Variants in C8orf34 observed in about 807,000 individuals in gnomAD.
The protein encoded by C8orf34 is uncharacterized protein C8orf34.
A neutral mutation model predicts 68.3 loss-of-function variants in C8orf34; 65 were observed. The observed-to-expected ratio is 0.95, with a 90% CI of 0.78 to 1.17. The LOEUF is 1.17. Among genes scored for constraint, C8orf34 ranks in the 50% most tolerant of loss-of-function variants. The pLI, the probability that C8orf34 is intolerant of heterozygous loss-of-function variation, is 0.00. For missense variants in C8orf34, 664 were observed against 655.4 expected, an observed-to-expected ratio of 1.01 and a Z score of -0.14; for synonymous variants, 244 against 241.2, an observed-to-expected ratio of 1.01 and a Z score of -0.11.
At chr8:68,534,065 T>C (rs893931229) in intron 7 of C8orf34, 10 of 981,178 alleles carry the variant, frequency 1.0e-5, no homozygotes, top group Non-Finnish European at 1.2e-5. Context: ...TTGTTAAAAA[T>C]GAGATTCCTT....
intron 1 of C8orf34, among the ~76,000 whole-genome samples, chr8:68,355,021 A>G (rs1210586270): frequency 1.3e-5 from 2 of 152,170 alleles, no homozygotes; most frequent in Non-Finnish European, 2.9e-5. Context: ...GTTAGCAAAT[A>G]GCATCTTAAT....
intron 10 of C8orf34, 58 bp downstream of exon 10, chr8:68,721,495 T>C: frequency 1.8e-6 from 2 of 1,082,330 alleles, no homozygotes; most frequent in Non-Finnish European, 2.8e-6. Context: ...AAATTACTAG[T>C]AGGTAAATCT....
intron 1 of C8orf34, among the ~76,000 whole-genome samples, chr8:68,419,268 C>T (rs1426353956): frequency 6.8e-6 from 1 of 147,974 alleles, no homozygotes; most frequent in Non-Finnish European, 1.5e-5. Flanking sequence ...CAAATCAAAA[C>T]CACAATGAGA....
At chr8:68,582,261 C>A (rs1293913687) in intron 7 of C8orf34, among the ~76,000 whole-genome samples, 12 of 152,136 alleles carry the variant, frequency 7.9e-5, no homozygotes, top group Admixed American at 5.2e-4. Flanking sequence ...ATGCAACAGA[C>A]TGAAGTGGGG....
At chr8:68,352,574 G>C (rs1000339976) in intron 1 of C8orf34, among the ~76,000 whole-genome samples, 1 of 152,062 alleles carries the variant, frequency 6.6e-6, no homozygotes. Flanking sequence ...AAGTGATCCA[G>C]CTTTCATGAA....
intron 7 of C8orf34, among the ~76,000 whole-genome samples, chr8:68,549,106 A>C (rs766161278): frequency 2.0e-5 from 3 of 151,812 alleles, no homozygotes; most frequent in Non-Finnish European, 4.4e-5. Context: ...ACACAGATAA[A>C]AGGATGTGAG....
chr8:68,330,898 CCT>C (rs1015975390), upstream of C8orf34: 35 of 901,430 alleles, frequency 3.9e-5, no homozygotes, highest in East Asian at 6.2e-4. Flanking sequence ...CCTCCCGCCC[CCT>C]GATTCCTGCT....
chr8:68,613,758 A>G (rs956283123), intron 7 of C8orf34, among the ~76,000 whole-genome samples: 11 of 151,960 alleles, frequency 7.2e-5, no homozygotes, highest in Non-Finnish European at 1.3e-4. Flanking sequence ...ATACATGTGC[A>G]TGTGTCTTTA....
chr8:68,679,383 C>T (rs146260856), intron 8 of C8orf34, among the ~76,000 whole-genome samples: 61 of 151,970 alleles, frequency 4.0e-4, no homozygotes, highest in Non-Finnish European at 7.9e-4. Context: ...AGTGAAAGGT[C>T]TCTACAATAA....
chr8:68,460,061 C>T (rs1462790035), intron 3 of C8orf34, among the ~76,000 whole-genome samples: 5 of 152,152 alleles, frequency 3.3e-5, no homozygotes, highest in Non-Finnish European at 7.4e-5. Flanking sequence ...ACAGACGGCA[C>T]CTGGAAAATC....
At chr8:68,494,716 C>T (rs1229895636) in intron 5 of C8orf34, among the ~76,000 whole-genome samples, 1 of 151,712 alleles carries the variant, frequency 6.6e-6, no homozygotes, top group Non-Finnish European at 1.5e-5. Flanking sequence ...ATGAGTCGGG[C>T]ATGGTGGCGG....
At chr8:68,387,607 G>C (rs1288338614) in intron 1 of C8orf34, among the ~76,000 whole-genome samples, 2 of 152,190 alleles carry the variant, frequency 1.3e-5, no homozygotes, top group Non-Finnish European at 1.5e-5. Flanking sequence ...TAAGGAAGAA[G>C]ATACAGAAAT....
chr8:68,375,534 G>A (rs1306518296), intron 1 of C8orf34, among the ~76,000 whole-genome samples: 1 of 152,146 alleles, frequency 6.6e-6, no homozygotes, highest in Non-Finnish European at 1.5e-5. Flanking sequence ...AAGTATTTCT[G>A]CTTTTATTCA....
At chr8:68,804,873 C>G (rs1056586667) in intron 12 of C8orf34, among the ~76,000 whole-genome samples, 3 of 151,962 alleles carry the variant, frequency 2.0e-5, no homozygotes, top group African/African-American at 7.3e-5. Context: ...GAATAAATAC[C>G]CTCAATTTTT....
chr8:68,720,368 A>G (rs1256008293), intron 9 of C8orf34, among the ~76,000 whole-genome samples: 1 of 151,944 alleles, frequency 6.6e-6, no homozygotes, highest in Non-Finnish European at 1.5e-5. Flanking sequence ...GATTTGGGCT[A>G]AGCTTTCCAT....
chr8:68,783,503 A>G (rs1440089483), intron 11 of C8orf34, among the ~76,000 whole-genome samples: 4 of 148,784 alleles, frequency 2.7e-5, no homozygotes, highest in African/African-American at 1.0e-4. Context: ...CGGCCTGGGC[A>G]ACAGGGCGAG....
At chr8:68,545,475 A>C (rs565438482) in intron 7 of C8orf34, among the ~76,000 whole-genome samples, 2 of 152,168 alleles carry the variant, frequency 1.3e-5, no homozygotes, top group Non-Finnish European at 2.9e-5. Context: ...TTATAGATAG[A>C]AAAACTCAAT....
chr8:68,343,696 C>T (rs901685632), intron 1 of C8orf34, among the ~76,000 whole-genome samples: 10 of 151,712 alleles, frequency 6.6e-5, no homozygotes, highest in Non-Finnish European at 1.0e-4. Flanking sequence ...TGGGTTCAAA[C>T]GATCCTTCTG....
At chr8:68,519,648 A>G (rs1436114039) in intron 5 of C8orf34, among the ~76,000 whole-genome samples, 1 of 152,082 alleles carries the variant, frequency 6.6e-6, no homozygotes, top group Non-Finnish European at 1.5e-5. Flanking sequence ...ATTGATTTTC[A>G]TGGTCTTTTA....
Sources: allele counts gnomAD v4.1 joint callset (sites outside exome capture counted in the v4.1 genomes callset), GRCh38; gene constraint gnomAD v4.1.1; transcripts MANE v1.5; gene names NCBI Gene and HGNC (gene_info 2026-07-23, HGNC 2026-07-21).